Variants in HIVEP1 observed in about 807,000 individuals in gnomAD.
HIVEP1 encodes the protein HIVEP zinc finger 1, also known as zinc finger protein 40.
In HIVEP1, 36 loss-of-function variants were observed where a neutral mutation model predicts 180.0. The observed-to-expected ratio is 0.20, with a 90% CI of 0.15 to 0.26. HIVEP1 has a LOEUF of 0.26. Among genes scored for constraint, HIVEP1 ranks in the 10% least tolerant of loss-of-function variants. The pLI is 1.00. For synonymous variants in HIVEP1, 1,239 were observed against 1,239.0 expected, an observed-to-expected ratio of 1.00 and a Z score of 0.00; for missense variants, 3,143 against 3,268.7, an observed-to-expected ratio of 0.96 and a Z score of 0.94.
At chr6:12,014,733 A>G (rs1458401758) in intron 1 of HIVEP1, among the ~76,000 whole-genome samples, 3 of 152,204 alleles carry the variant, frequency 2.0e-5, no homozygotes, top group Admixed American at 2.0e-4. Context: ...ATCTTGGCCT[A>G]TTATATTTCA....
the HIVEP1 span, among the ~76,000 whole-genome samples, chr6:12,174,134 C>T: frequency 6.6e-6 from 1 of 152,150 alleles, no homozygotes; most frequent in Non-Finnish European, 1.5e-5. Flanking sequence ...TCATACTCAA[C>T]CATGTGCAAT....
At chr6:12,079,863 T>C (rs1387447935) in intron 2 of HIVEP1, among the ~76,000 whole-genome samples, 1 of 152,166 alleles carries the variant, frequency 6.6e-6, no homozygotes, top group East Asian at 1.9e-4. Context: ...GAAGATGCAA[T>C]TGATTATTGC....
chr6:12,091,833 T>C (rs929348616), intron 3 of HIVEP1, among the ~76,000 whole-genome samples: 16 of 152,178 alleles, frequency 1.1e-4, no homozygotes, highest in Non-Finnish European at 2.4e-4. Context: ...TATCTCCTGA[T>C]TCTTAACACA....
intron 4 of HIVEP1, among the ~76,000 whole-genome samples, chr6:12,128,282 A>G (rs1045914373): frequency 6.6e-6 from 1 of 152,216 alleles, no homozygotes; most frequent in Non-Finnish European, 1.5e-5. Flanking sequence ...TTGCATCAGT[A>G]GCTCTTCCCT....
At chr6:12,115,981 T>C (rs1472475179) in intron 3 of HIVEP1, among the ~76,000 whole-genome samples, 3 of 151,854 alleles carry the variant, frequency 2.0e-5, no homozygotes, top group Non-Finnish European at 4.4e-5. Flanking sequence ...TAATTCACCT[T>C]AACAACAAAT....
At position 12,063,310 on chromosome 6, in the gene HIVEP1, C is replaced by T. The variant is rs1174093135; in HGVS notation, c.41-25874C>T. Among the ~76,000 whole-genome samples, 6 of 152,116 alleles carry T rather than the reference C, an allele frequency of 3.9e-5. No homozygotes were observed. The highest frequency in any genetic ancestry group is 1.4e-4 in the African/African-American group (6 of 41,404). ...ACGGGATATTTGACAGACTCCCTGG[C>T]CTGTACCCACTAGATGCCAATTGCA... On this transcript the variant is annotated intron_variant, in intron 2 of 8. Coordinates refer to ENST00000379388, the MANE Select transcript of HIVEP1 (RefSeq NM_002114.4). This position sits in a 1 kb window ranked among gnomAD's most constrained non-coding sequence, Gnocchi z 4.2.
chr6:12,095,183 T>C (rs921738689), intron 3 of HIVEP1, among the ~76,000 whole-genome samples: 3 of 151,934 alleles, frequency 2.0e-5, no homozygotes, highest in Non-Finnish European at 1.5e-5. Flanking sequence ...TCTGTTTTAC[T>C]TTCTTTTTAT....
At chr6:12,169,369 C>T (rs190913902), downstream of HIVEP1, among the ~76,000 whole-genome samples, 2 of 152,272 alleles carry the variant, frequency 1.3e-5, no homozygotes, top group African/African-American at 2.4e-5. Context: ...CTCTGGAAGG[C>T]ACTGTAGGCA....
chr6:12,081,305 T>G (rs1288310794), intron 2 of HIVEP1, among the ~76,000 whole-genome samples: 2 of 152,168 alleles, frequency 1.3e-5, no homozygotes, highest in Non-Finnish European at 2.9e-5. Flanking sequence ...GCTTTTGTCC[T>G]CACACTTGGT....
chr6:12,182,275 T>C, the HIVEP1 span, among the ~76,000 whole-genome samples: 3 of 152,298 alleles, frequency 2.0e-5, no homozygotes, highest in South Asian at 6.2e-4. Flanking sequence ...TTTTCCTTTT[T>C]TTCTTAAAAC....
rs561734442 is a variant in HIVEP1 at position 12,066,882 on chromosome 6, G to A, written c.41-22302G>A. Among the ~76,000 whole-genome samples the A allele has an allele frequency of 2.4e-4, 36 of 151,324 alleles. No homozygotes were observed. The East Asian group carries it at 6.0e-3, about 25-fold the overall frequency. On this transcript the variant is annotated intron_variant, in intron 2 of 8. Transcript: ENST00000379388. ...ACAAAGACACTGTGTGTGTGTGTGTGTATATATATATACACACACATACAC... is the reference window on the plus strand; with the variant it reads ...ACAAAGACACTGTGTGTGTGTGTGTATATATATATATACACACACATACAC...
chr6:12,089,537 T>A (rs1321311615), intron 3 of HIVEP1, among the ~76,000 whole-genome samples: 1 of 151,996 alleles, frequency 6.6e-6, no homozygotes, highest in Non-Finnish European at 1.5e-5. Flanking sequence ...AAAGTACCAA[T>A]ATAAGGAACA....
chr6:12,102,433 A>C (rs1774165881), intron 3 of HIVEP1, among the ~76,000 whole-genome samples: 2 of 152,180 alleles, frequency 1.3e-5, no homozygotes, highest in African/African-American at 4.8e-5. Flanking sequence ...GTAACAGAAA[A>C]ATGTACTGAT....
In HIVEP1 at chr6:12,130,951, T is replaced by G. The variant is rs769989839; in HGVS notation, c.6385+9T>G. ...CTCCTTTAAGACTAAAGGTATGAGATGCACATTGCTTCAAGGTCCTTTTAA... is the reference window on the plus strand; with the variant it reads ...CTCCTTTAAGACTAAAGGTATGAGAGGCACATTGCTTCAAGGTCCTTTTAA... On this transcript the variant is annotated intron_variant, in intron 6 of 8. Coordinates refer to ENST00000379388, the MANE Select transcript of HIVEP1 (RefSeq NM_002114.4). 21 of 1,582,042 alleles carry G rather than the reference T, an allele frequency of 1.3e-5. No homozygotes were observed. The highest frequency in any genetic ancestry group is 1.8e-5 in the Non-Finnish European group (21 of 1,159,434).
the HIVEP1 span, among the ~76,000 whole-genome samples, chr6:12,187,125 G>A: frequency 1.3e-5 from 2 of 152,158 alleles, no homozygotes; most frequent in Non-Finnish European, 2.9e-5. Flanking sequence ...GTGGTTGGTT[G>A]AAATATTATC....
intron 2 of HIVEP1, among the ~76,000 whole-genome samples, chr6:12,040,565 A>G (rs952276): frequency 0.018 from 2,683 of 152,306 alleles, 77 homozygotes; most frequent in African/African-American, 0.062. Flanking sequence ...TAATTGTTTC[A>G]CACACTCTTT....
intron 2 of HIVEP1, among the ~76,000 whole-genome samples, chr6:12,033,334 G>A (rs1194286674): frequency 6.6e-6 from 1 of 152,034 alleles, no homozygotes; most frequent in Non-Finnish European, 1.5e-5. Flanking sequence ...GTGTGTGTGT[G>A]TGTGTGTGTG....
chr6:12,056,304 G>A (rs929521787), intron 2 of HIVEP1, among the ~76,000 whole-genome samples: 5 of 152,260 alleles, frequency 3.3e-5, no homozygotes, highest in South Asian at 2.1e-4. Flanking sequence ...TAGAGCCTTA[G>A]ACTCGAGGTA....
At chr6:12,182,052 A>T in the HIVEP1 span, among the ~76,000 whole-genome samples, 1 of 152,186 alleles carries the variant, frequency 6.6e-6, no homozygotes, top group East Asian at 1.9e-4. Context: ...GTTTATTCTC[A>T]GTGTATTTTC....
Sources: gnomAD v4.1 joint callset for allele counts (sites outside exome capture counted in the v4.1 genomes callset) on GRCh38, gnomAD v4.1.1 for gene constraint, Gnocchi (gnomAD v3.1) non-coding constraint, MANE v1.5 for transcripts, NCBI Gene and HGNC (gene_info 2026-07-23, HGNC 2026-07-21) for gene names.